MAPK8IP3: variants seen among roughly 807,000 people sequenced by gnomAD.
The protein encoded by MAPK8IP3 is C-Jun-amino-terminal kinase-interacting protein 3.
MAPK8IP3 carries 49 observed loss-of-function variants against 157.8 expected under a neutral mutation model. The observed-to-expected ratio is 0.31, with a 90% CI of 0.25 to 0.39. The LOEUF (loss-of-function observed/expected upper bound fraction) is 0.39. Ranked by LOEUF, MAPK8IP3 falls within the 10% of genes least tolerant of loss-of-function variation. MAPK8IP3 has a pLI of 1.00. For synonymous variants in MAPK8IP3, 897 were observed against 777.7 expected (o/e 1.15, Z -2.55); for missense variants, 1,478 against 1,889.4 (o/e 0.78, Z 4.04).
At chr16:1,738,004 A>G (rs2040165831) in intron 4 of MAPK8IP3, among the ~76,000 whole-genome samples, 1 of 55,922 alleles carries the variant, frequency 1.8e-5, no homozygotes, top group Non-Finnish European at 3.1e-5. Context: ...CCATGTGAGC[A>G]TCTGTGTGAC....
intron 12 of MAPK8IP3, 152 bp downstream of exon 12, chr16:1,760,684 C>T: frequency 2.1e-6 from 2 of 968,272 alleles, no homozygotes; most frequent in African/African-American, 1.6e-5. Context: ...TCCACCCCAA[C>T]CAGCAGAGTG....
At chr16:1,756,161 C>A (rs1483764736) in intron 8 of MAPK8IP3, among the ~76,000 whole-genome samples, 1 of 152,162 alleles carries the variant, frequency 6.6e-6, no homozygotes, top group Non-Finnish European at 1.5e-5. Flanking sequence ...CAAGCCCTCA[C>A]ACAGGGACCC....
At chr16:1,765,346 CCT>C (rs2042196894) in intron 20 of MAPK8IP3, among the ~76,000 whole-genome samples, 168 bp downstream of exon 20, 1 of 152,204 alleles carries the variant, frequency 6.6e-6, no homozygotes. Context: ...GGCCCTGGGC[CCT>C]GTTTCTGGGA....
intron 10 of MAPK8IP3, 60 bp from the exon 11 acceptor site, chr16:1,759,898 G>A (rs2041835615): frequency 6.9e-6 from 10 of 1,448,334 alleles, no homozygotes; most frequent in East Asian, 2.3e-5. Context: ...AGGCAGGTGC[G>A]GCGGCATCAG....
chr16:1,768,055 T>C lies in MAPK8IP3; in HGVS notation c.3524-14T>C. The stretch of plus-strand genomic sequence containing the variant: ...CCGCTCTCCTCTTCTCCCATGCTCC[T>C]CCCATGTCCCCAGCTGTGGTCCTGC... On this transcript the variant is annotated splice_polypyrimidine_tract_variant and intron_variant, in intron 28 of 31. Transcript: ENST00000610761. The C allele has an allele frequency of 3.1e-6, 5 of 1,612,330 alleles. No individual in the cohort carries two copies. Among genetic ancestry groups the C allele is most frequent in the South Asian group, 1.1e-5 (1 of 91,076 alleles).
chr16:1,737,653 CGT>C (rs1214141579), intron 4 of MAPK8IP3, among the ~76,000 whole-genome samples: 1 of 60,602 alleles, frequency 1.7e-5, no homozygotes, highest in Non-Finnish European at 3.1e-5. Flanking sequence ...TGTGACTGTC[CGT>C]GTGAGCGTCC....
intron 12 of MAPK8IP3, 105 bp from the exon 13 acceptor site, chr16:1,761,119 C>A: frequency 1.1e-6 from 1 of 904,058 alleles, no homozygotes; most frequent in Non-Finnish European, 1.8e-6. Context: ...GCCCCCAGCC[C>A]TGCACAGAGG....
intron 1 of MAPK8IP3, among the ~76,000 whole-genome samples, chr16:1,715,463 C>T (rs894147514): frequency 4.6e-5 from 7 of 152,156 alleles, no homozygotes; most frequent in African/African-American, 1.4e-4. Context: ...GGTCCCTGCC[C>T]GTACCTGGGA....
At chr16:1,763,915 G>T (rs1360189235) in intron 17 of MAPK8IP3, 132 bp downstream of exon 17, 2 of 1,050,252 alleles carry the variant, frequency 1.9e-6, no homozygotes, top group East Asian at 2.7e-5. Context: ...GTGGGGCGGG[G>T]CCTGGCAGGT....
In MAPK8IP3 at chr16:1,768,986, G is replaced by C. The variant is rs1436522547; in HGVS notation, c.*162G>C. 2 of 781,494 alleles carry C rather than the reference G, an allele frequency of 2.6e-6. No individual in the cohort carries two copies. Among genetic ancestry groups the C allele is most frequent in the Non-Finnish European group, 4.0e-6 (2 of 495,448 alleles). The allele number at this position is 781,494 out of a possible 1,614,324, so 48.4% of individuals were successfully genotyped here. ...CCCTCCAGCGGGCAGGGAGTGCGGG[G>C]ATGCGGATCAGCTGGGAGGAGGAGG... is the stretch of plus-strand genomic sequence containing the variant. On this transcript the variant is annotated 3_prime_UTR_variant, in exon 32 of 32. Transcript: ENST00000610761.
chr16:1,720,325 C>T (rs373820112), intron 1 of MAPK8IP3, among the ~76,000 whole-genome samples: 6 of 152,242 alleles, frequency 3.9e-5, no homozygotes, highest in South Asian at 4.2e-4. Context: ...CATGAGCCAC[C>T]GTGCCCGGCC....
chr16:1,763,231 C>T (rs921179249), intron 16 of MAPK8IP3, among the ~76,000 whole-genome samples: 9 of 152,236 alleles, frequency 5.9e-5, no homozygotes, highest in African/African-American at 2.2e-4. Context: ...TGTCCCTTGG[C>T]AGAGGCTGTG....
At chr16:1,732,621 C>T (rs756863865) in intron 4 of MAPK8IP3, among the ~76,000 whole-genome samples, 9 of 152,234 alleles carry the variant, frequency 5.9e-5, no homozygotes, top group Non-Finnish European at 1.2e-4. Flanking sequence ...CGGGCGGCGC[C>T]GGCCATCTGC....
chr16:1,764,293 C>G lies in MAPK8IP3; in HGVS notation c.2122-8C>G, dbSNP rs569959288. On this transcript the variant is annotated splice_polypyrimidine_tract_variant and splice_region_variant and intron_variant, in intron 18 of 31. Transcript: ENST00000610761. The stretch of plus-strand genomic sequence containing the variant: ...CGGTGACACCCGACCTCGGCCCTGC[C>G]CTTGCAGCTGTGGTGTGCCGCGGGC... 1.3e-6 allele frequency: 2 copies of G among 1,581,736 alleles called. No homozygotes were observed. The highest frequency in any genetic ancestry group is 2.3e-5 in the South Asian group (2 of 87,648).
At chr16:1,729,765 G>A (rs2039169216) in intron 4 of MAPK8IP3, among the ~76,000 whole-genome samples, 187 bp downstream of exon 4, 1 of 152,154 alleles carries the variant, frequency 6.6e-6, no homozygotes, top group Non-Finnish European at 1.5e-5. Context: ...ATGTGGGGGG[G>A]CGGCCCTGGG....
rs2042390501 is a variant in MAPK8IP3, at chr16:1,768,184, G to A, written c.3563-15G>A. 1.1e-5 allele frequency: 18 copies of A among 1,611,928 alleles called. No individual in the cohort carries two copies. Among genetic ancestry groups the A allele is most frequent in the Non-Finnish European group, 1.5e-5 (18 of 1,179,578 alleles). ...CTGTATGCGGGCTCAGCGCCTCTGG[G>A]TTCTCTCCCTGCAGCCAATAAGACA... On this transcript the variant is annotated splice_polypyrimidine_tract_variant and intron_variant, in intron 29 of 31. Transcript: ENST00000610761.
intron 1 of MAPK8IP3, among the ~76,000 whole-genome samples, chr16:1,712,283 G>T (rs1461957356): frequency 1.3e-5 from 2 of 151,702 alleles, no homozygotes; most frequent in African/African-American, 4.8e-5. Context: ...GGATGGTCTC[G>T]ATCTGCTGAC....
intron 8 of MAPK8IP3, among the ~76,000 whole-genome samples, chr16:1,750,000 T>C (rs1288811912): frequency 6.6e-6 from 1 of 152,158 alleles, no homozygotes; most frequent in African/African-American, 2.4e-5. Flanking sequence ...TACTTGGTGG[T>C]GAAAGATGGA....
chr16:1,736,059 CGTGT>C (rs1274978700), intron 4 of MAPK8IP3, among the ~76,000 whole-genome samples: 9 of 95,038 alleles, frequency 9.5e-5, no homozygotes, highest in East Asian at 3.8e-4. Context: ...TGTGACCGTC[CGTGT>C]GTGTGACCAT....
Sources: allele counts gnomAD v4.1 joint callset (sites outside exome capture counted in the v4.1 genomes callset), GRCh38; gene constraint gnomAD v4.1.1; transcripts MANE v1.5; gene names NCBI Gene and HGNC (gene_info 2026-07-23, HGNC 2026-07-21).